Variants in LPP observed in about 807,000 individuals in gnomAD.
LPP encodes the protein LIM domain containing preferred translocation partner in lipoma.
LPP carries 38 observed loss-of-function variants against 60.4 expected under a neutral mutation model. The ratio of observed to expected loss-of-function variants is 0.63; its 90% confidence interval spans 0.49 to 0.83. The LOEUF (loss-of-function observed/expected upper bound fraction) is 0.83, where lower values mean the gene tolerates loss of function less well. Ranked by LOEUF, LPP falls within the 40% of genes least tolerant of loss-of-function variation. LPP has a pLI of 0.00. For missense variants in LPP, 902 were observed against 783.6 expected, an observed-to-expected ratio of 1.15 and a Z score of -1.80; for synonymous variants, 328 against 290.8, an observed-to-expected ratio of 1.13 and a Z score of -1.30.
At chr3:188,659,034 G>GTGACCACAGACCACA in intron 7 of LPP, among the ~76,000 whole-genome samples, 1 of 152,214 alleles carries the variant, frequency 6.6e-6, no homozygotes, top group Non-Finnish European at 1.5e-5. Context: ...CACAGAGCTA[G>GTGACCACAGACCACA]CAGCCTCCCC....
At chr3:188,756,556 A>G (rs567711386) in intron 8 of LPP, among the ~76,000 whole-genome samples, 5 of 152,344 alleles carry the variant, frequency 3.3e-5, no homozygotes, top group Admixed American at 2.0e-4. Context: ...AGAGGCAAGC[A>G]TACACTATGC....
intron 4 of LPP, among the ~76,000 whole-genome samples, chr3:188,477,928 G>T (rs956111611): frequency 6.6e-6 from 1 of 152,164 alleles, no homozygotes; most frequent in African/African-American, 2.4e-5. Flanking sequence ...TTCACCCAAG[G>T]TGCTTTCTGG....
chr3:188,600,968 G>GTA lies in LPP; in HGVS notation c.430-8181_430-8180dup, dbSNP rs758003689. On this transcript the variant is annotated intron_variant, in intron 6 of 11. Transcript: ENST00000617246. ...TATAGATAGATATAGATGTGTGTGTGTATATATATATATCACATTTTATTT... is the reference window on the plus strand; with the variant it reads ...TATAGATAGATATAGATGTGTGTGTGTATATATATATATATCACATTTTATTT... 2.4e-3 allele frequency among the ~76,000 whole-genome samples: 362 copies of GTA among 151,518 alleles called. 3 individuals are homozygous for GTA. Among genetic ancestry groups the GTA allele is most frequent in the African/African-American group, 7.9e-3 (328 of 41,348 alleles).
chr3:188,481,695 T>A (rs1804822363), intron 4 of LPP, among the ~76,000 whole-genome samples: 1 of 152,174 alleles, frequency 6.6e-6, no homozygotes, highest in East Asian at 1.9e-4. Flanking sequence ...TCCAATTTTG[T>A]GGGTCTAAAG....
chr3:188,573,157 G>C (rs1833885177), intron 6 of LPP, among the ~76,000 whole-genome samples: 1 of 151,942 alleles, frequency 6.6e-6, no homozygotes, highest in South Asian at 2.1e-4. Context: ...TCATCAAGTG[G>C]GTATGATCAT....
intron 6 of LPP, among the ~76,000 whole-genome samples, chr3:188,576,763 T>G (rs1209158065): frequency 6.6e-6 from 1 of 152,230 alleles, no homozygotes; most frequent in African/African-American, 2.4e-5. Context: ...TGCATCTTAC[T>G]GTGTCCTGAT....
At chr3:188,560,129 C>A (rs761728150) in intron 6 of LPP, among the ~76,000 whole-genome samples, 3 of 152,066 alleles carry the variant, frequency 2.0e-5, no homozygotes, top group Non-Finnish European at 4.4e-5. Context: ...TACTTTTTGA[C>A]ATGGCTAGAA....
chr3:188,622,115 T>A (rs1361781641), intron 7 of LPP, among the ~76,000 whole-genome samples: 1 of 152,142 alleles, frequency 6.6e-6, no homozygotes, highest in East Asian at 1.9e-4. Flanking sequence ...ATTCTGTTGG[T>A]CTCATCCAGC....
chr3:188,169,978 G>A (rs1721078279), intron 1 of LPP, among the ~76,000 whole-genome samples: 1 of 152,232 alleles, frequency 6.6e-6, no homozygotes, highest in African/African-American at 2.4e-5. Context: ...GGTCTAGCGG[G>A]AGATAGACTG....
At chr3:188,589,388 C>T (rs1328361338) in intron 6 of LPP, among the ~76,000 whole-genome samples, 1 of 152,024 alleles carries the variant, frequency 6.6e-6, no homozygotes, top group Non-Finnish European at 1.5e-5. Context: ...AAAATGAAAG[C>T]AGATCTGTTA....
At chr3:188,442,368 G>A (rs1013445780) in intron 4 of LPP, among the ~76,000 whole-genome samples, 1 of 152,232 alleles carries the variant, frequency 6.6e-6, no homozygotes, top group East Asian at 1.9e-4. Flanking sequence ...GTGAGAACAT[G>A]CGGTCAACAT....
intron 2 of LPP, among the ~76,000 whole-genome samples, chr3:188,273,726 G>C (rs1412003213): frequency 1.3e-5 from 2 of 148,878 alleles, no homozygotes; most frequent in Non-Finnish European, 3.0e-5. Flanking sequence ...CTCCCTAGTA[G>C]CTGGGGTTAC....
intron 9 of LPP, among the ~76,000 whole-genome samples, chr3:188,792,250 C>T (rs961567710): frequency 3.3e-5 from 5 of 152,170 alleles, no homozygotes; most frequent in Admixed American, 3.3e-4. Flanking sequence ...GAATGGTTCC[C>T]GCTTGGAGAA....
chr3:188,172,242 C>T (rs901818767), intron 1 of LPP, among the ~76,000 whole-genome samples: 4 of 152,210 alleles, frequency 2.6e-5, no homozygotes, highest in Admixed American at 6.5e-5. Context: ...GAAAACTCTG[C>T]TCTAAGTATG....
chr3:188,554,467 C>T (rs1828991963), intron 6 of LPP, among the ~76,000 whole-genome samples: 1 of 152,098 alleles, frequency 6.6e-6, no homozygotes, highest in African/African-American at 2.4e-5. Flanking sequence ...TACAGTGATG[C>T]GTTCTTTTAT....
At chr3:188,678,452 T>C (rs1858628390) in intron 7 of LPP, among the ~76,000 whole-genome samples, 1 of 152,180 alleles carries the variant, frequency 6.6e-6, no homozygotes, top group African/African-American at 2.4e-5. Flanking sequence ...TATTGACTAT[T>C]TCCTGATACC....
At chr3:188,782,763 G>A (rs183842941) in intron 9 of LPP, among the ~76,000 whole-genome samples, 63 of 150,524 alleles carry the variant, frequency 4.2e-4, no homozygotes, top group Non-Finnish European at 7.5e-4. Flanking sequence ...AAACACAGCC[G>A]GGCATAATCA....
At chr3:188,354,576 T>C (rs1281999230) in intron 3 of LPP, among the ~76,000 whole-genome samples, 5 of 152,186 alleles carry the variant, frequency 3.3e-5, no homozygotes, top group African/African-American at 1.2e-4. Context: ...TTTTTTTCTT[T>C]TACAGTTTTA....
intron 7 of LPP, among the ~76,000 whole-genome samples, chr3:188,624,127 G>A (rs1187318848): frequency 1.3e-5 from 2 of 152,140 alleles, no homozygotes; most frequent in East Asian, 1.9e-4. Flanking sequence ...TAGTGAGAAG[G>A]AAAGACATAG....
Sources: allele counts gnomAD v4.1 joint callset (sites outside exome capture counted in the v4.1 genomes callset), GRCh38; gene constraint gnomAD v4.1.1; transcripts MANE v1.5; gene names NCBI Gene and HGNC (gene_info 2026-07-23, HGNC 2026-07-21).